The following CFAP46 variants were observed in gnomAD, a reference collection of about 807,000 sequenced individuals.
CFAP46 encodes cilia and flagella associated protein 46.
In CFAP46, 245 loss-of-function variants were observed where a neutral mutation model predicts 325.7. That is an observed-to-expected ratio of 0.75 (90% CI 0.68 to 0.84). CFAP46 has a LOEUF of 0.84. CFAP46 is among the 40% of genes least tolerant of loss of function. CFAP46 has a pLI of 0.00. For synonymous variants in CFAP46, 1,523 were observed against 1,495.9 expected, an observed-to-expected ratio of 1.02 and a Z score of -0.42; for missense variants, 3,346 against 3,543.0, an observed-to-expected ratio of 0.94 and a Z score of 1.41.
intron 55 of CFAP46, among the ~76,000 whole-genome samples, chr10:132,812,394 G>A (rs1031965743): frequency 8.5e-5 from 13 of 152,304 alleles, no homozygotes; most frequent in Admixed American, 3.3e-4. Context: ...GAGTGCCCAC[G>A]ATTAAACTAG....
intron 47 of CFAP46, 74 bp downstream of exon 47, chr10:132,835,230 C>A: frequency 1.3e-6 from 2 of 1,571,606 alleles, no homozygotes. Context: ...CCCCCCACCT[C>A]GCCAGGGTCC....
chr10:132,863,069 C>G (rs1486017247), intron 35 of CFAP46, among the ~76,000 whole-genome samples: 1 of 152,164 alleles, frequency 6.6e-6, no homozygotes, highest in Admixed American at 6.5e-5. Flanking sequence ...GGCGAACCCA[C>G]GTTCGCGGGA....
chr10:132,919,452 G>A lies in CFAP46; in HGVS notation c.1731-10C>T, dbSNP rs902158218. On this transcript the variant is annotated splice_polypyrimidine_tract_variant and intron_variant, in intron 14 of 57. Coordinates refer to ENST00000368586, the MANE Select transcript of CFAP46 (RefSeq NM_001200049.3). This position sits in a 1 kb window ranked among gnomAD's most constrained non-coding sequence, Gnocchi z 9.7. Reference sequence around the variant, plus strand: ...TGCCCAAATCTGTATCCTGCTCACCGAGAACCCAAACGAGTGAAAGGTGAG... The same window carrying A: ...TGCCCAAATCTGTATCCTGCTCACCAAGAACCCAAACGAGTGAAAGGTGAG... 1.1e-5 allele frequency: 17 copies of A among 1,544,728 alleles called. No individual in the cohort carries two copies. Among genetic ancestry groups the A allele is most frequent in the African/African-American group, 6.9e-5 (5 of 72,584 alleles).
At chr10:132,929,918 A>G (rs1849867499) in intron 8 of CFAP46, 114 bp from the exon 9 acceptor site, 1 of 748,450 alleles carries the variant, frequency 1.3e-6, no homozygotes, top group Non-Finnish European at 2.1e-6. Context: ...AGGTAGGATA[A>G]GAAATAAATA....
chr10:132,883,359 T>C (rs1275651755), intron 27 of CFAP46, among the ~76,000 whole-genome samples: 1 of 152,164 alleles, frequency 6.6e-6, no homozygotes, highest in African/African-American at 2.4e-5. Context: ...AAATGGCCCA[T>C]AAGCACATGG....
At chr10:132,851,067 A>C in intron 40 of CFAP46, 50 bp downstream of exon 40, 2 of 1,606,142 alleles carry the variant, frequency 1.2e-6, no homozygotes, top group Non-Finnish European at 1.7e-6. Context: ...CATCAGCTGC[A>C]CTGTGGCCTG....
intron 18 of CFAP46, 70 bp from the exon 19 acceptor site, chr10:132,912,890 C>T: frequency 6.6e-7 from 1 of 1,525,920 alleles, no homozygotes; most frequent in Non-Finnish European, 8.8e-7. Context: ...GTGCTGAGTC[C>T]TCAGGTCACG....
intron 1 of CFAP46, 58 bp from the exon 2 acceptor site, chr10:132,942,162 G>A (rs1193969857): frequency 1.3e-6 from 2 of 1,542,264 alleles, no homozygotes; most frequent in African/African-American, 1.4e-5. Flanking sequence ...AAGTGAGCCG[G>A]GCAACGCCAT....
intron 47 of CFAP46, among the ~76,000 whole-genome samples, 155 bp from the exon 48 acceptor site, chr10:132,834,930 C>T (rs546375563): frequency 1.1e-4 from 17 of 152,388 alleles, no homozygotes; most frequent in East Asian, 9.6e-4. Context: ...GGCCCCATAG[C>T]ACCTGGCCCA....
At chr10:132,907,902 G>A (rs556226757) in intron 22 of CFAP46, among the ~76,000 whole-genome samples, 3 of 152,348 alleles carry the variant, frequency 2.0e-5, no homozygotes, top group South Asian at 2.1e-4. Context: ...CGCAGACGCC[G>A]AATCTGCCAC....
chr10:132,830,431 C>T (rs757613078), intron 50 of CFAP46, among the ~76,000 whole-genome samples: 6 of 152,192 alleles, frequency 3.9e-5, no homozygotes, highest in Non-Finnish European at 7.3e-5. Flanking sequence ...TGTGAGCCAC[C>T]GCGCCCAGCC....
intron 17 of CFAP46, among the ~76,000 whole-genome samples, chr10:132,916,334 G>C (rs1367398688): frequency 6.6e-6 from 1 of 152,212 alleles, no homozygotes; most frequent in East Asian, 1.9e-4. Flanking sequence ...CTGGGGTCTT[G>C]CGAGGAACGA....
chr10:132,823,995 GTT>G (rs1379927905), intron 50 of CFAP46, among the ~76,000 whole-genome samples: 51 of 74,690 alleles, frequency 6.8e-4, no homozygotes, highest in Non-Finnish European at 9.8e-4. Context: ...TGTGCTGCTT[GTT>G]TGTGCTGTGT....
At chr10:132,821,663 GTGTGTGCTGTGTGTGCTGA>G (rs1471865195) in intron 50 of CFAP46, among the ~76,000 whole-genome samples, 1 of 139,586 alleles carries the variant, frequency 7.2e-6, no homozygotes, top group South Asian at 2.5e-4. Flanking sequence ...GATGTGTGCT[GTGTGTGCTGTGTGTGCTGA>G]TGTGTGCTGT....
At chr10:132,908,372 TG>T (rs1298698861) in intron 22 of CFAP46, 95 bp downstream of exon 22, 1 of 1,418,056 alleles carries the variant, frequency 7.1e-7, no homozygotes, top group African/African-American at 1.4e-5. Context: ...GGGGAACTGG[TG>T]GGGCGCTCAC....
intron 17 of CFAP46, among the ~76,000 whole-genome samples, chr10:132,913,945 C>T (rs1446176098): frequency 6.6e-6 from 1 of 152,182 alleles, no homozygotes; most frequent in Non-Finnish European, 1.5e-5. Flanking sequence ...ACACCTCCAA[C>T]AGCCCCTGGC....
intron 39 of CFAP46, among the ~76,000 whole-genome samples, chr10:132,852,788 C>G (rs1430843991): frequency 6.6e-6 from 1 of 152,242 alleles, no homozygotes; most frequent in Non-Finnish European, 1.5e-5. Flanking sequence ...CAAGTTCTCA[C>G]ATTTTTGGGA....
At chr10:132,820,171 C>G (rs1847766313) in intron 50 of CFAP46, among the ~76,000 whole-genome samples, 1 of 152,244 alleles carries the variant, frequency 6.6e-6, no homozygotes, top group Non-Finnish European at 1.5e-5. Context: ...CAGGTCTCAG[C>G]CTTAGCAAGA....
chr10:132,920,317 C>T (rs1046095023), intron 13 of CFAP46, 135 bp from the exon 14 acceptor site: 35 of 1,146,104 alleles, frequency 3.1e-5, no homozygotes, highest in East Asian at 5.6e-5. Flanking sequence ...CCTAGATCCC[C>T]GGCTCCCAGA....
Sources: allele counts gnomAD v4.1 joint callset (sites outside exome capture counted in the v4.1 genomes callset), GRCh38; gene constraint gnomAD v4.1.1; non-coding constraint Gnocchi (gnomAD v3.1); transcripts MANE v1.5; gene names NCBI Gene and HGNC (gene_info 2026-07-23, HGNC 2026-07-21).